ST7: variants seen among roughly 807,000 people sequenced by gnomAD.
The protein encoded by ST7 is suppressor of tumorigenicity 7 protein.
A neutral mutation model predicts 78.7 loss-of-function variants in ST7; 28 were observed. The ratio of observed to expected loss-of-function variants is 0.36; its 90% CI spans 0.26 to 0.49. The LOEUF (loss-of-function observed/expected upper bound fraction) is 0.49. Ranked by LOEUF, ST7 falls within the 20% of genes least tolerant of loss-of-function variation. The pLI is 0.99. For synonymous variants in ST7, 247 were observed against 249.6 expected (o/e 0.99, Z 0.10); for missense variants, 418 against 696.0 (o/e 0.60, Z 4.49).
chr7:117,144,076 T>A (rs1009933547), intron 9 of ST7: 1 of 152,208 alleles, frequency 6.6e-6, no homozygotes, highest in African/African-American at 2.4e-5. Flanking sequence ...ATACATTATA[T>A]GTTAATACAA....
At chr7:116,958,162 ATT>A (rs34132237) in intron 1 of ST7, among the ~76,000 whole-genome samples, 2 of 95,632 alleles carry the variant, frequency 2.1e-5, no homozygotes, top group African/African-American at 4.2e-5. Context: ...TGCGTGGCTA[ATT>A]TTTTTTTTTT....
chr7:117,148,786 GGACAT>G (rs1208040462), intron 9 of ST7, among the ~76,000 whole-genome samples: 4 of 152,110 alleles, frequency 2.6e-5, no homozygotes, highest in African/African-American at 9.7e-5. Flanking sequence ...AGGCAACCAT[GGACAT>G]TTGTGAACAG....
chr7:117,077,715 G>C (rs1799451847), intron 1 of ST7, among the ~76,000 whole-genome samples: 1 of 152,078 alleles, frequency 6.6e-6, no homozygotes, highest in African/African-American at 2.4e-5. Context: ...AGTTATTATA[G>C]GCTGCATGTG....
chr7:117,039,620 A>T lies in ST7; in HGVS notation c.152-60142A>T, dbSNP rs557366117. Among the ~76,000 whole-genome samples, 280 of 152,296 alleles carry T rather than the reference A, an allele frequency of 1.8e-3. 1 individual carries two copies. The highest frequency in any genetic ancestry group is 3.5e-3 in the Non-Finnish European group (241 of 68,010). ...AATTTTATCCAAACTCTGAATTTGT[A>T]AAGACATGGAAGAATGCACTAATAT... On this transcript the variant is annotated intron_variant, in intron 1 of 15. Transcript: ENST00000323984.
intron 1 of ST7, among the ~76,000 whole-genome samples, chr7:116,962,407 G>A (rs1370196803): frequency 6.6e-6 from 1 of 152,214 alleles, no homozygotes; most frequent in Non-Finnish European, 1.5e-5. Flanking sequence ...CCCACCAACA[G>A]TGTAAAGGCG....
At chr7:117,194,444 T>A (rs905379177) in intron 12 of ST7, among the ~76,000 whole-genome samples, 1 of 152,218 alleles carries the variant, frequency 6.6e-6, no homozygotes, top group Non-Finnish European at 1.5e-5. Flanking sequence ...GGAAGCTTGT[T>A]CTTCTTCATC....
intron 10 of ST7, among the ~76,000 whole-genome samples, chr7:117,180,054 G>A (rs1344750084): frequency 6.6e-6 from 1 of 152,228 alleles, no homozygotes; most frequent in East Asian, 1.9e-4. Context: ...GGGAATCCTA[G>A]TGCAGAAACT....
At chr7:117,000,465 G>C (rs537000227) in intron 1 of ST7, among the ~76,000 whole-genome samples, 1 of 152,256 alleles carries the variant, frequency 6.6e-6, no homozygotes, top group South Asian at 2.1e-4. Flanking sequence ...ACCTTTATGA[G>C]GTATTTAATA....
At chr7:117,224,100 TCA>T (rs1793291760) in intron 15 of ST7, among the ~76,000 whole-genome samples, 2 of 152,172 alleles carry the variant, frequency 1.3e-5, no homozygotes, top group Admixed American at 1.3e-4. Context: ...GATGGGGCAC[TCA>T]CATATTTATA....
chr7:116,974,042 G>T (rs1409264273), intron 1 of ST7, among the ~76,000 whole-genome samples: 7 of 152,092 alleles, frequency 4.6e-5, no homozygotes, highest in Non-Finnish European at 7.4e-5. Context: ...GGAAATGCCA[G>T]CAGGAGGAAT....
chr7:117,019,503 G>A (rs1011820999), intron 1 of ST7, among the ~76,000 whole-genome samples: 1 of 152,186 alleles, frequency 6.6e-6, no homozygotes, highest in Non-Finnish European at 1.5e-5. Flanking sequence ...TGTGCACACA[G>A]CCTTAAAATG....
chr7:117,080,957 A>G (rs776718348), intron 1 of ST7: 8 of 152,182 alleles, frequency 5.3e-5, no homozygotes, highest in Non-Finnish European at 1.0e-4. Context: ...AGATAGTCAA[A>G]CACAGGTGTT....
At chr7:117,184,128 A>T (rs1178738959) in intron 10 of ST7, 1 of 152,276 alleles carries the variant, frequency 6.6e-6, no homozygotes, top group African/African-American at 2.4e-5. Flanking sequence ...CTTTCAGGAA[A>T]ACATTTCTAT....
At chr7:117,020,545 T>C in intron 1 of ST7, 3 of 1,543,014 alleles carry the variant, frequency 1.9e-6, no homozygotes, top group Non-Finnish European at 2.6e-6. Flanking sequence ...TCCTCGCTTT[T>C]CTTTCTTTTT....
chr7:117,071,960 TG>T (rs1478839945), intron 1 of ST7: 1 of 152,210 alleles, frequency 6.6e-6, no homozygotes, highest in Non-Finnish European at 1.5e-5. Context: ...GGTATAAGAG[TG>T]AGGGATAAGA....
chr7:117,018,478 T>C (rs1294823354), intron 1 of ST7, among the ~76,000 whole-genome samples: 2 of 152,228 alleles, frequency 1.3e-5, no homozygotes, highest in East Asian at 3.8e-4. Flanking sequence ...CCTTTCTCTT[T>C]TAACGATTTT....
intron 7 of ST7, among the ~76,000 whole-genome samples, chr7:117,134,562 G>A (rs1454213707): frequency 6.6e-6 from 1 of 151,948 alleles, no homozygotes; most frequent in African/African-American, 2.4e-5. Flanking sequence ...CCATTCTTGG[G>A]TTCCCAGCCC....
intron 1 of ST7, among the ~76,000 whole-genome samples, chr7:116,989,437 T>C (rs906925652): frequency 6.6e-5 from 10 of 152,214 alleles, no homozygotes; most frequent in Admixed American, 6.5e-4. Context: ...CCCATTGTAG[T>C]GTGCAATTCT....
rs538497080 is a variant in ST7, at chr7:116,953,682, T to C, written c.142T>C (p.Leu48=). The C allele has an allele frequency of 1.3e-6, 2 of 1,489,692 alleles. No individual in the cohort carries two copies. Among genetic ancestry groups the C allele is most frequent in the South Asian group, 2.4e-5 (2 of 84,584 alleles). 92.3% of individuals were successfully genotyped at this position (1,489,692 alleles called of 1,614,324 possible). The part of the protein sequence containing the change: ...LRVPLKINDN[L]STVSMFLNTL... Reference sequence around the variant, plus strand: ...GGTGCCTTTGAAAATCAACGACAACTTGAGCACAGGTAAGGCCTGGGAGCC... The same window carrying C: ...GGTGCCTTTGAAAATCAACGACAACCTGAGCACAGGTAAGGCCTGGGAGCC... Residue 48 remains leucine (L), a synonymous_variant, in exon 1 of 16, where the codon TTG becomes CTG. Coordinates refer to ENST00000323984, the MANE Select transcript of ST7 (RefSeq NM_001369598.1).
Sources: allele counts gnomAD v4.1 joint callset (sites outside exome capture counted in the v4.1 genomes callset), GRCh38; gene constraint gnomAD v4.1.1; transcripts MANE v1.5; gene names NCBI Gene and HGNC (gene_info 2026-07-23, HGNC 2026-07-21).